Variants in BCO2 observed in about 807,000 individuals in gnomAD.
The protein encoded by BCO2 is beta-carotene oxygenase 2, also known as carotenoid-cleaving dioxygenase, mitochondrial.
In BCO2, 56 loss-of-function variants were observed where a neutral mutation model predicts 65.8. That is an observed-to-expected ratio of 0.85 (90% CI 0.69 to 1.06). The LOEUF (loss-of-function observed/expected upper bound fraction) is 1.06, where lower values mean the gene tolerates loss of function less well. Among genes scored for constraint, BCO2 ranks in the 50% least tolerant of loss-of-function variants. The probability of loss-of-function intolerance (pLI) is 0.00; values close to 1 mark genes in which losing one functional copy is unlikely to be tolerated. For missense variants in BCO2, 675 were observed against 698.5 expected, an observed-to-expected ratio of 0.97 and a Z score of 0.38; for synonymous variants, 233 against 242.3, an observed-to-expected ratio of 0.96 and a Z score of 0.36.
At chr11:112,194,099 C>A in intron 4 of BCO2, 105 bp downstream of exon 4, 1 of 693,154 alleles carries the variant, frequency 1.4e-6, no homozygotes, top group Non-Finnish European at 2.5e-6. Context: ...GAAGCCTTAA[C>A]TACACAAAAA....
At position 112,217,772 on chromosome 11, in the gene BCO2, T is replaced by A; in HGVS notation, c.1638T>A (p.Asn546Lys). The A allele has an allele frequency of 6.2e-7, 1 of 1,610,736 alleles. No individual in the cohort carries two copies. The highest frequency in any genetic ancestry group is 8.5e-7 in the Non-Finnish European group (1 of 1,177,984). ...CTTTTCTTTTCTAGAATGAAAGCAA[T>A]TTTATCCTAGTTTTGGATGCCAAGA... ...VVITPNQNES[N>K]FILVLDAKNF... is the part of the protein sequence containing the mutation. The change falls in exon 12 of 12, where the codon AAT (asparagine) becomes AAA (lysine). Residue 546 changes from asparagine to lysine, a missense_variant. Coordinates refer to ENST00000357685, the MANE Select transcript of BCO2 (RefSeq NM_031938.7).
intron 2 of BCO2, among the ~76,000 whole-genome samples, chr11:112,190,307 T>A (rs1867336392): frequency 6.6e-6 from 1 of 152,054 alleles, no homozygotes; most frequent in Non-Finnish European, 1.5e-5. Flanking sequence ...ACAAAATATA[T>A]AATACTAATA....
intron 2 of BCO2, among the ~76,000 whole-genome samples, chr11:112,183,831 C>G (rs1213769321): frequency 1.3e-5 from 2 of 152,146 alleles, no homozygotes; most frequent in Non-Finnish European, 2.9e-5. Context: ...CTGATTGAAA[C>G]AGAGTGGAAA....
In BCO2 at chr11:112,199,788, T is replaced by G; in HGVS notation, c.826T>G (p.Ser276Ala). ...AGTCCAGGTGATATGTTCTATTGCT[T>G]CTACAGAGAAAGGGAAACCTTCTTA... ...HGVQVICSIA[S>A]TEKGKPSYYH... Residue 276 changes from serine (S) to alanine (A), a missense_variant, in exon 6 of 12, where the codon TCT (serine) becomes GCT (alanine). Physicochemically the swap from Ser to Ala is moderately conservative, Grantham distance 99. Coordinates refer to ENST00000357685, the MANE Select transcript of BCO2 (RefSeq NM_031938.7). 6.2e-7 allele frequency: 1 copy of G among 1,614,044 alleles called. No individual in the cohort carries two copies. Among genetic ancestry groups the G allele is most frequent in the Non-Finnish European group, 8.5e-7 (1 of 1,179,924 alleles).
chr11:112,210,549 G>A (rs375846982), intron 8 of BCO2, among the ~76,000 whole-genome samples: 11 of 152,104 alleles, frequency 7.2e-5, no homozygotes, highest in Admixed American at 3.9e-4. Context: ...TTGGAAAATC[G>A]TAAATTCAAA....
rs779206597 is a variant in BCO2 at position 112,193,515 on chromosome 11, T to C, written c.335T>C (p.Phe112Ser). The C allele has an allele frequency of 3.7e-6, 6 of 1,614,142 alleles. No homozygotes were observed. Among genetic ancestry groups the C allele is most frequent in the Non-Finnish European group, 5.1e-6 (6 of 1,180,028 alleles). Residue 112 changes from phenylalanine to serine, a missense_variant, in exon 3 of 12, where the codon TTC (phenylalanine) becomes TCC (serine). Coordinates refer to ENST00000357685, the MANE Select transcript of BCO2 (RefSeq NM_031938.7). ...GATGGGATGGCGCTGCTTCACCAGT[T>C]CAGAATGGCAAAGGGCACAGTGACA... ...WFDGMALLHQ[F>S]RMAKGTVTYR...
intron 5 of BCO2, among the ~76,000 whole-genome samples, chr11:112,197,814 C>T (rs1405049095): frequency 2.6e-5 from 4 of 152,182 alleles, no homozygotes; most frequent in Non-Finnish European, 4.4e-5. Context: ...CTCTCCTTCT[C>T]GCTTGTCATG....
At chr11:112,204,910 C>T (rs1219203808) in intron 8 of BCO2, among the ~76,000 whole-genome samples, 1 of 152,172 alleles carries the variant, frequency 6.6e-6, no homozygotes, top group Non-Finnish European at 1.5e-5. Context: ...GATGATCTGC[C>T]CACCTTGGCC....
Position 112,213,753 on chromosome 11 carries a change from T to G in BCO2, c.1224T>G (p.Pro408=). ...QVHNSAAKSF[P]RRFVLPLNVS... ...ATAATTCAGCAGCCAAATCTTTCCC[T>G]CGAAGGTTTGTTTTGCCTTTAAATG... The change falls in exon 9 of 12, where the codon CCT becomes CCG. Residue 408 remains proline (P), a synonymous_variant. Transcript: ENST00000357685. 8 of 1,613,514 alleles carry G rather than the reference T, an allele frequency of 5.0e-6. No homozygotes were observed. Among genetic ancestry groups the G allele is most frequent in the Non-Finnish European group, 6.8e-6 (8 of 1,179,686 alleles).
At chr11:112,192,824 C>T (rs944770756) in intron 2 of BCO2, among the ~76,000 whole-genome samples, 5 of 146,588 alleles carry the variant, frequency 3.4e-5, no homozygotes, top group African/African-American at 1.3e-4. Context: ...ATTTGTTAAA[C>T]ATCAGCCATC....
intron 2 of BCO2, among the ~76,000 whole-genome samples, chr11:112,192,219 A>T (rs1295825641): frequency 6.6e-6 from 1 of 152,196 alleles, no homozygotes; most frequent in East Asian, 1.9e-4. Flanking sequence ...CATATCGCAT[A>T]ATGTCCTCAA....
intron 8 of BCO2, among the ~76,000 whole-genome samples, chr11:112,213,299 A>G (rs1859565963): frequency 6.6e-6 from 1 of 151,630 alleles, no homozygotes; most frequent in South Asian, 2.1e-4. Context: ...ATGAGCCACC[A>G]TGCCCGGCTA....
At chr11:112,200,577 C>T in intron 6 of BCO2, 36 bp from the exon 7 acceptor site, 1 of 1,572,764 alleles carries the variant, frequency 6.4e-7, no homozygotes, top group Non-Finnish European at 8.6e-7. Context: ...TCTAGTTTGC[C>T]AAATAACATT....
chr11:112,195,776 A>C (rs1017042616), intron 5 of BCO2, among the ~76,000 whole-genome samples: 13 of 152,176 alleles, frequency 8.5e-5, no homozygotes, highest in African/African-American at 3.1e-4. Context: ...AAGTAACTAG[A>C]TCTGTGATTT....
At chr11:112,213,695 A>T (rs1390654353) in intron 8 of BCO2, 29 bp from the exon 9 acceptor site, 1 of 1,607,562 alleles carries the variant, frequency 6.2e-7, no homozygotes, top group East Asian at 2.2e-5. Context: ...ATGAATGACA[A>T]TTTTCATCTC....
In BCO2 at chr11:112,194,650, C is replaced by A. The variant is rs1409641891; in HGVS notation, c.634-3C>A. ...AAAATCTCCAGTGGTCTCAAATTTG[C>A]AGGTAGATTGGAGCAAATTTATTGC... On this transcript the variant is annotated splice_region_variant and splice_polypyrimidine_tract_variant and intron_variant, in intron 4 of 11. Coordinates refer to ENST00000357685, the MANE Select transcript of BCO2 (RefSeq NM_031938.7). 1 of 1,598,664 alleles carries A rather than the reference C, an allele frequency of 6.3e-7. No individual in the cohort carries two copies. Among genetic ancestry groups the A allele is most frequent in the Non-Finnish European group, 8.6e-7 (1 of 1,167,082 alleles).
At chr11:112,196,249 A>G (rs1336118884) in intron 5 of BCO2, among the ~76,000 whole-genome samples, 1 of 151,994 alleles carries the variant, frequency 6.6e-6, no homozygotes, top group Admixed American at 6.6e-5. Context: ...CGAACACTGA[A>G]TCTACTTTTT....
intron 8 of BCO2, 147 bp from the exon 9 acceptor site, chr11:112,213,577 T>C: frequency 1.1e-6 from 1 of 887,800 alleles, no homozygotes; most frequent in Non-Finnish European, 1.7e-6. Flanking sequence ...TAGTAGGTAC[T>C]CAACAAATAT....
chr11:112,189,972 A>G (rs1040863886), intron 2 of BCO2, among the ~76,000 whole-genome samples: 1 of 152,106 alleles, frequency 6.6e-6, no homozygotes, highest in African/African-American at 2.4e-5. Flanking sequence ...GACTAATATT[A>G]TTTACGAATA....
Sources: gnomAD v4.1 joint callset for allele counts (sites outside exome capture counted in the v4.1 genomes callset) on GRCh38, gnomAD v4.1.1 for gene constraint, MANE v1.5 for transcripts, NCBI Gene and HGNC (gene_info 2026-07-23, HGNC 2026-07-21) for gene names.